ABLIM3: variants seen among roughly 807,000 people sequenced by gnomAD.
ABLIM3 encodes the protein actin binding LIM protein family member 3.
In ABLIM3, 61 loss-of-function variants were observed where a neutral mutation model predicts 109.5. The observed-to-expected ratio is 0.56, with a 90% CI of 0.45 to 0.69. The LOEUF is 0.69. ABLIM3 is among the 30% of genes least tolerant of loss of function. The pLI is 0.00. For missense variants in ABLIM3, 796 were observed against 889.5 expected (o/e 0.89, Z 1.34); for synonymous variants, 300 against 324.8 (o/e 0.92, Z 0.82).
At chr5:149,181,779 A>C (rs562782608) in intron 2 of ABLIM3, among the ~76,000 whole-genome samples, 1 of 152,352 alleles carries the variant, frequency 6.6e-6, no homozygotes, top group South Asian at 2.1e-4. Context: ...AATTTAATTA[A>C]AGAGAAATGT....
At chr5:149,242,612 G>C in intron 15 of ABLIM3, 74 bp downstream of exon 15, 1 of 1,496,810 alleles carries the variant, frequency 6.7e-7, no homozygotes, top group East Asian at 2.3e-5. Flanking sequence ...AGATGGCCCT[G>C]CACAGGCCAC....
At position 149,245,016 on chromosome 5, in the gene ABLIM3, G is replaced by T. The variant is rs767214485; in HGVS notation, c.1486+1G>T. On this transcript the variant is annotated splice_donor_variant, in intron 16 of 23. Transcript: ENST00000309868. LOFTEE classifies it high-confidence loss of function. ...TGGACCTACCATGGGTCCCCCAAAG[G>T]TAGTACCCCCATAGGAGCCTGGGTC... 16 of 1,614,170 alleles carry T rather than the reference G, an allele frequency of 9.9e-6. No homozygotes were observed. The highest frequency in any genetic ancestry group is 1.2e-5 in the Non-Finnish European group (14 of 1,180,040).
At chr5:149,239,998 T>A in intron 13 of ABLIM3, 110 bp downstream of exon 13, 1 of 1,424,082 alleles carries the variant, frequency 7.0e-7, no homozygotes, top group Admixed American at 2.9e-5. Flanking sequence ...TCCATCACAG[T>A]GTGGCCCTCT....
At chr5:149,200,525 A>C in intron 5 of ABLIM3, 97 bp downstream of exon 5, 4 of 1,313,244 alleles carry the variant, frequency 3.0e-6, no homozygotes, top group Non-Finnish European at 2.2e-6. Flanking sequence ...GCCTGGAGGG[A>C]AGTGGGAGAG....
At chr5:149,221,006 T>G (rs541738829) in intron 8 of ABLIM3, 136 of 152,354 alleles carry the variant, frequency 8.9e-4, no homozygotes, top group African/African-American at 3.0e-3. Context: ...TGACAAGTGC[T>G]GCACAGAGAA....
At chr5:149,225,194 C>G (rs1761049417) in intron 8 of ABLIM3, among the ~76,000 whole-genome samples, 1 of 152,094 alleles carries the variant, frequency 6.6e-6, no homozygotes, top group Non-Finnish European at 1.5e-5. Context: ...TTAAAGCGCA[C>G]AATTCGGTAG....
intron 10 of ABLIM3, among the ~76,000 whole-genome samples, chr5:149,236,396 T>G (rs1752190320): frequency 6.6e-6 from 1 of 152,122 alleles, no homozygotes; most frequent in African/African-American, 2.4e-5. Flanking sequence ...ACTAATACAG[T>G]CTCTGAATTC....
rs768343200 is a variant in ABLIM3 at position 149,246,572 on chromosome 5, A to G, written c.1551+26A>G. 3.7e-6 allele frequency: 6 copies of G among 1,612,952 alleles called. No homozygotes were observed. The South Asian group carries it at 5.5e-5, about 15-fold the overall frequency. On this transcript the variant is annotated intron_variant, in intron 17 of 23. Transcript: ENST00000309868. Reference sequence around the variant, plus strand: ...GTGGGCAGAGACCACAGCACTGAATATGATGCTTAGAGCGTATATCACTGA... The same window carrying G: ...GTGGGCAGAGACCACAGCACTGAATGTGATGCTTAGAGCGTATATCACTGA...
chr5:149,257,402 G>A (rs369637100), intron 23 of ABLIM3, among the ~76,000 whole-genome samples: 1 of 152,106 alleles, frequency 6.6e-6, no homozygotes, highest in South Asian at 2.1e-4. Context: ...ATTAGCTCAT[G>A]TAATTGCTAC....
chr5:149,170,228 T>TTTTCTCTCTCTCTCTCTC (rs1554082423), intron 2 of ABLIM3, among the ~76,000 whole-genome samples: 15 of 124,606 alleles, frequency 1.2e-4, no homozygotes, highest in African/African-American at 4.4e-4. Flanking sequence ...AGGGTTCTGT[T>TTTTCTCTCTCTCTCTCTC]TCTCTCTCTC....
chr5:149,155,774 A>G (rs904061343), intron 2 of ABLIM3, among the ~76,000 whole-genome samples: 1 of 152,206 alleles, frequency 6.6e-6, no homozygotes, highest in Admixed American at 6.5e-5. Context: ...CAGTTTGTAT[A>G]CGCTAGAGAA....
At chr5:149,215,892 C>T (rs1360057469) in intron 7 of ABLIM3, among the ~76,000 whole-genome samples, 3 of 152,218 alleles carry the variant, frequency 2.0e-5, no homozygotes, top group African/African-American at 7.2e-5. Flanking sequence ...GACTCACACA[C>T]ATCCGGACCC....
intron 8 of ABLIM3, chr5:149,217,309 C>A: frequency 1.9e-6 from 1 of 518,198 alleles, no homozygotes. Flanking sequence ...CCTGGCAGTG[C>A]TCTGAGCAGA....
intron 1 of ABLIM3, 88 bp from the exon 2 acceptor site, chr5:149,141,921 C>A: frequency 3.2e-6 from 3 of 945,058 alleles, no homozygotes; most frequent in Non-Finnish European, 5.0e-6. Flanking sequence ...AGGCCAGGGG[C>A]TACAGCCCAG....
At chr5:149,255,266 G>T (rs1754330612) in intron 23 of ABLIM3, among the ~76,000 whole-genome samples, 1 of 152,188 alleles carries the variant, frequency 6.6e-6, no homozygotes, top group Non-Finnish European at 1.5e-5. Context: ...CCCCTTGAGG[G>T]CAGGGAGCAA....
Position 149,258,876 on chromosome 5 carries a change from G to C in ABLIM3, c.*472G>C, listed in dbSNP as rs963866780. On this transcript the variant is annotated 3_prime_UTR_variant, in exon 24 of 24. Transcript: ENST00000309868. ...TCAGTGAGCACCTTTGAGCGCCCAC[G>C]AAGAACTTTCTCAACACCCCCAATT... 1.0e-6 allele frequency: 1 copy of C among 989,512 alleles called. No individual in the cohort carries two copies. The highest frequency in any genetic ancestry group is 1.2e-6 in the Non-Finnish European group (1 of 832,862). The allele number at this position is 989,512 out of a possible 1,614,324, so 61.3% of individuals were successfully genotyped here. A position where few individuals can be genotyped will look rare whatever the true frequency, so the allele number is the denominator to read the frequency against.
intron 2 of ABLIM3, among the ~76,000 whole-genome samples, chr5:149,178,948 G>A (rs577364973): frequency 6.6e-6 from 1 of 152,274 alleles, no homozygotes; most frequent in South Asian, 2.1e-4. Flanking sequence ...TAACAGCAGA[G>A]AGGGAATTGG....
At chr5:149,232,836 A>T (rs1761989645) in intron 9 of ABLIM3, among the ~76,000 whole-genome samples, 1 of 152,236 alleles carries the variant, frequency 6.6e-6, no homozygotes, top group Non-Finnish European at 1.5e-5. Context: ...ATATTGTGCA[A>T]TTACGTGAAA....
chr5:149,189,321 A>G (rs1757265533), intron 3 of ABLIM3, among the ~76,000 whole-genome samples: 1 of 152,202 alleles, frequency 6.6e-6, no homozygotes, highest in Non-Finnish European at 1.5e-5. Flanking sequence ...ATATGACACC[A>G]AAAGCTCAAG....
Sources: allele counts gnomAD v4.1 joint callset (sites outside exome capture counted in the v4.1 genomes callset), GRCh38; gene constraint gnomAD v4.1.1; transcripts MANE v1.5; gene names NCBI Gene and HGNC (gene_info 2026-07-23, HGNC 2026-07-21).